Variants in PCDHA3 observed in about 807,000 individuals in gnomAD.
PCDHA3 encodes the protein protocadherin alpha-3.
In PCDHA3, 41 loss-of-function variants were observed where a neutral mutation model predicts 62.2. The observed-to-expected ratio is 0.66, with a 90% CI of 0.51 to 0.86. The LOEUF (loss-of-function observed/expected upper bound fraction) is 0.86, where lower values mean the gene tolerates loss of function less well. Among genes scored for constraint, PCDHA3 ranks in the 40% least tolerant of loss-of-function variants. The probability of loss-of-function intolerance (pLI) is 0.00; values close to 1 mark genes in which losing one functional copy is unlikely to be tolerated. For missense variants in PCDHA3, 1,304 were observed against 1,241.2 expected (o/e 1.05, Z -0.76); for synonymous variants, 640 against 555.4 (o/e 1.15, Z -2.14).
At chr5:140,956,212 C>A (rs246014) in intron 1 of PCDHA3, among the ~76,000 whole-genome samples, 85,603 of 151,956 alleles carry the variant, frequency 0.56, 24,735 homozygotes, top group African/African-American at 0.69. Context: ...AAGAGGGCAT[C>A]CTTGTCTTGT....
intron 1 of PCDHA3, among the ~76,000 whole-genome samples, chr5:140,838,935 TAATAAAATAA>T (rs1186571610): frequency 2.0e-5 from 3 of 151,738 alleles, no homozygotes; most frequent in African/African-American, 7.3e-5. Flanking sequence ...TAAAATGAAA[TAATAAAATAA>T]AATAAAATAA....
At chr5:140,808,056 A>T (rs1393234929) in intron 1 of PCDHA3, 21 of 1,613,972 alleles carry the variant, frequency 1.3e-5, no homozygotes, top group Non-Finnish European at 1.5e-5. Flanking sequence ...CCAAATGTGA[A>T]ATCCAAGTTT....
chr5:140,884,403 T>A, intron 1 of PCDHA3: 1 of 1,613,992 alleles, frequency 6.2e-7, no homozygotes, highest in Middle Eastern at 1.6e-4. Context: ...AGCCTGTTGG[T>A]GCTCACGTTG....
At chr5:140,822,572 C>G (rs2150117357) in intron 1 of PCDHA3, 15 of 1,612,554 alleles carry the variant, frequency 9.3e-6, no homozygotes, top group Non-Finnish European at 1.3e-5. Context: ...CTGAACGCCT[C>G]AGATGCAGAT....
chr5:140,884,529 G>C lies in PCDHA3; in HGVS notation c.2394+80938G>C. On this transcript the variant is annotated intron_variant, in intron 1 of 3. Transcript: ENST00000522353. Reference sequence around the variant, plus strand: ...GGGAGTTGGTCGTACTCGCAGCAGAGGCGGCCGAGGGTGTGCTCTGGGGAG... The same window carrying C: ...GGGAGTTGGTCGTACTCGCAGCAGACGCGGCCGAGGGTGTGCTCTGGGGAG... 2.5e-6 allele frequency: 4 copies of C among 1,614,068 alleles called. No individual in the cohort carries two copies. Among genetic ancestry groups the C allele is most frequent in the Non-Finnish European group, 3.4e-6 (4 of 1,179,986 alleles).
rs147962839 is a variant in PCDHA3 at position 140,828,760 on chromosome 5, A to T, written c.2394+25169A>T. ...CAGATGGGGGCAAACCTGAGCTCAC[A>T]GGCACTGTTCAGCTGCTGGTCACAG... On this transcript the variant is annotated intron_variant, in intron 1 of 3. Coordinates refer to ENST00000522353, the MANE Select transcript of PCDHA3 (RefSeq NM_018906.3). The T allele has an allele frequency of 5.1e-5, 83 of 1,614,194 alleles. No homozygotes were observed. The African/African-American group carries it at 7.9e-4, about 15-fold the overall frequency.
At chr5:141,006,755 A>G (rs1554260896) in intron 3 of PCDHA3, among the ~76,000 whole-genome samples, 1 of 152,190 alleles carries the variant, frequency 6.6e-6, no homozygotes, top group East Asian at 1.9e-4. Flanking sequence ...TAAATGGAGA[A>G]TGAAGAATAG....
chr5:140,929,070 G>A lies in PCDHA3; in HGVS notation c.2395-49879G>A, dbSNP rs2085795989. 2.5e-6 allele frequency: 4 copies of A among 1,614,200 alleles called. No homozygotes were observed. The African/African-American group carries it at 5.3e-5, about 22-fold the overall frequency. ...GCTGTCGCTCTACAGAGGATCTGAG[G>A]TATGGAAGTAAGATGGTTTCAAATC... On this transcript the variant is annotated intron_variant, in intron 1 of 3. Coordinates refer to ENST00000522353, the MANE Select transcript of PCDHA3 (RefSeq NM_018906.3).
Position 140,851,965 on chromosome 5 carries a change from A to G in PCDHA3, c.2394+48374A>G, listed in dbSNP as rs564952826. On this transcript the variant is annotated intron_variant, in intron 1 of 3. Transcript: ENST00000522353. Reference sequence around the variant, plus strand: ...GTGACTTTCAAAATGGTGGTTTTCCACACTCTACCTTTAGTGCAAGCTATT... The same window carrying G: ...GTGACTTTCAAAATGGTGGTTTTCCGCACTCTACCTTTAGTGCAAGCTATT... 95 of 976,702 alleles carry G rather than the reference A, an allele frequency of 9.7e-5. 6 individuals are homozygous for G. The highest frequency in any genetic ancestry group is 1.2e-4 in the Non-Finnish European group (95 of 809,234). 60.5% of individuals were successfully genotyped at this position (976,702 alleles called of 1,614,324 possible).
chr5:140,802,104 A>T lies in PCDHA3; in HGVS notation c.907A>T (p.Ser303Cys). The T allele has an allele frequency of 6.2e-7, 1 of 1,614,238 alleles. No individual in the cohort carries two copies. Among genetic ancestry groups the T allele is most frequent in the South Asian group, 1.1e-5 (1 of 91,088 alleles). The change falls in exon 1 of 4, where the codon AGT becomes TGT. Residue 303 changes from serine (S) to cysteine (C), a missense_variant. Ser to Cys is a moderately radical substitution (Grantham distance 112). Transcript: ENST00000522353. ...TTTAGATCCAGTCAATGGACAAATC[A>T]GTGTAAAGGGTAACATAGATTTCGA... The part of the protein sequence containing the change: ...FHLDPVNGQI[S>C]VKGNIDFEES...
intron 1 of PCDHA3, among the ~76,000 whole-genome samples, chr5:140,899,954 T>C (rs1240765868): frequency 6.6e-6 from 1 of 151,586 alleles, no homozygotes; most frequent in Non-Finnish European, 1.5e-5. Context: ...ACCACAGGCA[T>C]GTGCTGCCAT....
At chr5:140,879,802 T>A (rs535783687) in intron 1 of PCDHA3, among the ~76,000 whole-genome samples, 1 of 152,330 alleles carries the variant, frequency 6.6e-6, no homozygotes, top group Non-Finnish European at 1.5e-5. Flanking sequence ...TCTTCCAGTT[T>A]CTATTGGCTG....
chr5:140,941,341 G>A (rs1413393487), intron 1 of PCDHA3, among the ~76,000 whole-genome samples: 1 of 119,412 alleles, frequency 8.4e-6, no homozygotes, highest in African/African-American at 3.2e-5. Flanking sequence ...TTTTCAGATG[G>A]AGTCTTGCTC....
intron 1 of PCDHA3, chr5:140,862,531 C>T (rs782753899): frequency 4.6e-6 from 2 of 431,454 alleles, no homozygotes; most frequent in Non-Finnish European, 9.4e-6. Flanking sequence ...CCACAGCCAT[C>T]GGGTCCGTGG....
At chr5:140,841,713 C>G in intron 1 of PCDHA3, 2 of 1,613,888 alleles carry the variant, frequency 1.2e-6, no homozygotes, top group Non-Finnish European at 1.7e-6. Context: ...GACAACCCGC[C>G]AGTGTTCCGG....
chr5:140,869,323 C>G (rs1426806563), intron 1 of PCDHA3: 13 of 1,613,746 alleles, frequency 8.1e-6, no homozygotes, highest in Non-Finnish European at 1.0e-5. Flanking sequence ...ACATGGGGAC[C>G]TTCTGGAGGT....
At chr5:140,987,893 G>A (rs571929057) in intron 3 of PCDHA3, among the ~76,000 whole-genome samples, 82 of 152,138 alleles carry the variant, frequency 5.4e-4, no homozygotes, top group Admixed American at 1.5e-3. Context: ...ATGTGCCCTA[G>A]TTTTATATGG....
At chr5:140,921,022 T>C (rs990627966) in intron 1 of PCDHA3, among the ~76,000 whole-genome samples, 6 of 152,094 alleles carry the variant, frequency 3.9e-5, no homozygotes, top group Admixed American at 6.6e-5. Context: ...CTATGTTTTC[T>C]AGACTGGGGT....
intron 1 of PCDHA3, chr5:140,871,196 AC>A (rs782394304): frequency 1.7e-5 from 28 of 1,613,546 alleles, no homozygotes; most frequent in Non-Finnish European, 2.2e-5. Context: ...GTCAACGTGT[AC>A]CTGATCATCG....
Sources: gnomAD v4.1 joint callset for allele counts (sites outside exome capture counted in the v4.1 genomes callset) on GRCh38, gnomAD v4.1.1 for gene constraint, MANE v1.5 for transcripts, NCBI Gene and HGNC (gene_info 2026-07-23, HGNC 2026-07-21) for gene names.